Variants in ST8SIA1 observed in about 807,000 individuals in gnomAD.
ST8SIA1 encodes the protein ST8 alpha-N-acetyl-neuraminide alpha-2,8-sialyltransferase 1.
In ST8SIA1, 16 loss-of-function variants were observed where a neutral mutation model predicts 35.9. The observed-to-expected ratio is 0.45, with a 90% CI of 0.30 to 0.68. The LOEUF (loss-of-function observed/expected upper bound fraction) is 0.68, where lower values mean the gene tolerates loss of function less well. Ranked by LOEUF, ST8SIA1 falls within the 30% of genes least tolerant of loss-of-function variation. ST8SIA1 has a pLI of 0.09. For missense variants in ST8SIA1, 383 were observed against 453.6 expected, an observed-to-expected ratio of 0.84 and a Z score of 1.41; for synonymous variants, 170 against 169.6, an observed-to-expected ratio of 1.00 and a Z score of -0.02.
intron 1 of ST8SIA1, among the ~76,000 whole-genome samples, chr12:22,303,837 A>T (rs1866348217): frequency 8.6e-6 from 1 of 116,676 alleles, no homozygotes; most frequent in Non-Finnish European, 1.8e-5. Flanking sequence ...CACCACCACC[A>T]CCACCCTGCC....
intron 1 of ST8SIA1, among the ~76,000 whole-genome samples, chr12:22,291,540 T>C (rs1866176511): frequency 6.6e-6 from 1 of 152,254 alleles, no homozygotes; most frequent in Admixed American, 6.5e-5. Flanking sequence ...TCCCTGAACA[T>C]GCATGTGACA....
rs1865002159 is a variant in ST8SIA1, at chr12:22,197,410, C to CTTAGGGTAT, written c.*4141_*4142insATACCCTAA. On this transcript the variant is annotated 3_prime_UTR_variant, in exon 5 of 5. Coordinates refer to ENST00000396037, the MANE Select transcript of ST8SIA1 (RefSeq NM_003034.4). ...GTGGACTGGTAACATTCCCCTCCCC[C>CTTAGGGTAT]TTAGGTCCCTCCTAACAAGTATTTG... The CTTAGGGTAT allele has an allele frequency of 6.6e-6, 1 of 152,186 alleles. No individual in the cohort carries two copies. Among genetic ancestry groups the CTTAGGGTAT allele is most frequent in the Non-Finnish European group, 1.5e-5 (1 of 68,030 alleles). The allele number at this position is 152,186 out of a possible 1,614,324, so 9.4% of individuals were successfully genotyped here. A position where few individuals can be genotyped will look rare whatever the true frequency, so the allele number is the denominator to read the frequency against.
Position 22,202,058 on chromosome 12 carries a change from CTG to C in ST8SIA1, c.585-22_585-21del. ...TGAAACCTATTGAAGAAAAAAAAAA[CTG>C]TTCAATTAAACCTAGAGAAAAAGAA... is the stretch of plus-strand genomic sequence containing the variant. On this transcript the variant is annotated intron_variant, in intron 4 of 4. Transcript: ENST00000396037. 6.5e-7 allele frequency: 1 copy of C among 1,535,782 alleles called. No homozygotes were observed. Among genetic ancestry groups the C allele is most frequent in the Non-Finnish European group, 8.7e-7 (1 of 1,149,720 alleles).
At chr12:22,225,266 C>T (rs1363656979) in intron 4 of ST8SIA1, among the ~76,000 whole-genome samples, 1 of 152,084 alleles carries the variant, frequency 6.6e-6, no homozygotes, top group African/African-American at 2.4e-5. Context: ...AATGATTATA[C>T]AGTTAATTTT....
At chr12:22,230,125 A>T (rs1181875169) in intron 4 of ST8SIA1, among the ~76,000 whole-genome samples, 5 of 152,244 alleles carry the variant, frequency 3.3e-5, no homozygotes, top group African/African-American at 4.8e-5. Flanking sequence ...AGCTCTTACA[A>T]AATAATGCTC....
At chr12:22,234,259 C>CAAA (rs34820200) in intron 4 of ST8SIA1, among the ~76,000 whole-genome samples, 3 of 139,062 alleles carry the variant, frequency 2.2e-5, no homozygotes, top group African/African-American at 2.7e-5. Context: ...AACTCTGTCT[C>CAAA]AAAAAAAAAA....
chr12:22,317,474 G>A (rs536619829), intron 1 of ST8SIA1, among the ~76,000 whole-genome samples: 11 of 152,246 alleles, frequency 7.2e-5, no homozygotes, highest in Admixed American at 2.6e-4. Context: ...CTGGGGCTGC[G>A]GTCATCGGAA....
At chr12:22,303,847 C>CACACACAA (rs1866349287) in intron 1 of ST8SIA1, among the ~76,000 whole-genome samples, 1 of 8,808 alleles carries the variant, frequency 1.1e-4, no homozygotes, top group East Asian at 0.02. Flanking sequence ...ACCACCCTGC[C>CACACACAA]ACACACACAC....
chr12:22,213,493 G>T (rs1865197894), intron 4 of ST8SIA1, among the ~76,000 whole-genome samples: 1 of 152,288 alleles, frequency 6.6e-6, no homozygotes, highest in African/African-American at 2.4e-5. Context: ...TTTCAGATAT[G>T]CATATATCTG....
intron 4 of ST8SIA1, among the ~76,000 whole-genome samples, chr12:22,212,767 T>A (rs1338496139): frequency 6.6e-6 from 1 of 152,152 alleles, no homozygotes; most frequent in Non-Finnish European, 1.5e-5. Flanking sequence ...CCCAAACTGA[T>A]CCCTGGGGAC....
rs7956659 is a variant in ST8SIA1 at position 22,287,413 on chromosome 12, G to C, written c.237-120C>G. 8,147 of 954,806 alleles carry C rather than the reference G, an allele frequency of 8.5e-3. 465 individuals carry two copies. In the African/African-American group the frequency reaches 0.12, roughly 14 times the overall value. The allele number at this position is 954,806 out of a possible 1,614,324, so 59.1% of individuals were successfully genotyped here. On this transcript the variant is annotated intron_variant, in intron 1 of 4. Transcript: ENST00000396037. ...CTCAGTGCCAGCTCACAGAAGCATA[G>C]CATCTCCAGGGTGATTAGACTACTA...
intron 4 of ST8SIA1, among the ~76,000 whole-genome samples, chr12:22,214,680 T>A (rs1865215887): frequency 6.6e-6 from 1 of 152,134 alleles, no homozygotes; most frequent in South Asian, 2.1e-4. Context: ...AAAAAACATA[T>A]AATAGATAGG....
chr12:22,243,753 C>T lies in ST8SIA1; in HGVS notation c.584+5253G>A, dbSNP rs189120170. ...TTTCTATTCAAATATTTTTATTGGCCGGGTGCAGTGGCTCACACCTGGAAT... is the reference window on the plus strand; with the variant it reads ...TTTCTATTCAAATATTTTTATTGGCTGGGTGCAGTGGCTCACACCTGGAAT... On this transcript the variant is annotated intron_variant, in intron 4 of 4. Coordinates refer to ENST00000396037, the MANE Select transcript of ST8SIA1 (RefSeq NM_003034.4). Among the ~76,000 whole-genome samples the T allele has an allele frequency of 2.0e-5, 3 of 152,236 alleles. No homozygotes were observed. The East Asian group carries it at 5.8e-4, about 29-fold the overall frequency.
At chr12:22,325,665 A>G (rs1244217454) in intron 1 of ST8SIA1, 2 of 612,892 alleles carry the variant, frequency 3.3e-6, no homozygotes, top group Admixed American at 5.7e-5. Flanking sequence ...GATGGTACCA[A>G]GCCCTATATA....
intron 4 of ST8SIA1, among the ~76,000 whole-genome samples, chr12:22,240,212 T>C (rs1189340110): frequency 1.3e-5 from 2 of 152,162 alleles, no homozygotes; most frequent in Non-Finnish European, 2.9e-5. Context: ...TCAATTGACA[T>C]ATGGTACATT....
At chr12:22,321,550 C>A (rs547179978) in intron 1 of ST8SIA1, among the ~76,000 whole-genome samples, 2 of 152,244 alleles carry the variant, frequency 1.3e-5, no homozygotes, top group South Asian at 4.1e-4. Context: ...AGGTGGTAGA[C>A]GCCAGAATTT....
intron 4 of ST8SIA1, 146 bp downstream of exon 4, chr12:22,248,860 T>C (rs916425149): frequency 2.1e-5 from 12 of 584,068 alleles, no homozygotes; most frequent in Non-Finnish European, 3.3e-5. Flanking sequence ...GTTTTCTTTA[T>C]TTACAATTCC....
intron 4 of ST8SIA1, among the ~76,000 whole-genome samples, chr12:22,211,748 G>T (rs900819742): frequency 6.6e-6 from 1 of 152,068 alleles, no homozygotes; most frequent in Non-Finnish European, 1.5e-5. Context: ...CGCTCACTCT[G>T]TCGCCCAGAC....
At chr12:22,249,966 G>C (rs1433114280) in intron 3 of ST8SIA1, among the ~76,000 whole-genome samples, 1 of 152,136 alleles carries the variant, frequency 6.6e-6, no homozygotes, top group African/African-American at 2.4e-5. Flanking sequence ...GTGTGTGTGT[G>C]GCCAATGGGT....
Sources: gnomAD v4.1 joint callset for allele counts (sites outside exome capture counted in the v4.1 genomes callset) on GRCh38, gnomAD v4.1.1 for gene constraint, MANE v1.5 for transcripts, NCBI Gene and HGNC (gene_info 2026-07-23, HGNC 2026-07-21) for gene names.